The following PDIA4 variants were observed in gnomAD, a reference collection of about 807,000 sequenced individuals.
PDIA4 encodes protein disulfide-isomerase A4.
PDIA4 carries 33 observed loss-of-function variants against 62.1 expected under a neutral mutation model. That is an observed-to-expected ratio of 0.53 (90% CI 0.40 to 0.71). PDIA4 has a LOEUF of 0.71. PDIA4 is among the 30% of genes least tolerant of loss of function. PDIA4 has a pLI of 0.00. For missense variants in PDIA4, 804 were observed against 813.6 expected (o/e 0.99, Z 0.14); for synonymous variants, 341 against 324.1 (o/e 1.05, Z -0.56).
chr7:149,003,774 C>G lies in PDIA4; in HGVS notation c.*20G>C. ...ACGCAGGGCGTCTGCCTCCTCCCAC[C>G]TTCCGCAGACCTCAGGCCTTCAAAG... On this transcript the variant is annotated 3_prime_UTR_variant, in exon 10 of 10. Coordinates refer to ENST00000652332, the MANE Select transcript of PDIA4 (RefSeq NM_004911.5). 2 of 1,497,056 alleles carry G rather than the reference C, an allele frequency of 1.3e-6. No individual in the cohort carries two copies. Among genetic ancestry groups the G allele is most frequent in the Non-Finnish European group, 1.8e-6 (2 of 1,123,746 alleles). The allele number at this position is 1,497,056 out of a possible 1,614,324, so 92.7% of individuals were successfully genotyped here.
In PDIA4 at chr7:149,020,943, C is replaced by A. The variant is rs374410669; in HGVS notation, c.269+24G>T. ...ATGGAGCACAGCGCTTGTCCACCTG[C>A]AGAAATTAGAACGCGGTCCTTACCA... On this transcript the variant is annotated intron_variant, in intron 2 of 9. Transcript: ENST00000652332. 35 of 1,610,548 alleles carry A rather than the reference C, an allele frequency of 2.2e-5. No homozygotes were observed. In the African/African-American group the frequency reaches 2.8e-4, roughly 13 times the overall value.
intron 3 of PDIA4, among the ~76,000 whole-genome samples, chr7:149,017,380 T>C (rs1348533398): frequency 3.9e-5 from 6 of 152,252 alleles, no homozygotes; most frequent in Admixed American, 3.9e-4. Flanking sequence ...GGTTGGGAGT[T>C]TGAGACCAGC....
rs755965937 is a variant in PDIA4 at position 149,004,522 on chromosome 7, G to T, written c.1523-313C>A. The stretch of plus-strand genomic sequence containing the variant: ...GGCACTGAGGGCCCGGGAGCCATGG[G>T]GGGGAGGTGCCAGGACAACCCACAG... On this transcript the variant is annotated intron_variant, in intron 9 of 9. Transcript: ENST00000652332. Among the ~76,000 whole-genome samples, 4 of 152,374 alleles carry T rather than the reference G, an allele frequency of 2.6e-5. No individual in the cohort carries two copies. The South Asian group carries it at 6.2e-4, about 24-fold the overall frequency.
At chr7:149,016,416 A>G (rs1412384213) in intron 3 of PDIA4, among the ~76,000 whole-genome samples, 1 of 152,228 alleles carries the variant, frequency 6.6e-6, no homozygotes, top group Non-Finnish European at 1.5e-5. Context: ...TTTGACATAT[A>G]CTAATAACTG....
At chr7:149,027,750 T>C (rs1824607507) in intron 1 of PDIA4, 1 of 423,074 alleles carries the variant, frequency 2.4e-6, no homozygotes, top group East Asian at 7.1e-5. Context: ...CAGTAAATGC[T>C]AAATGCAGAA....
chr7:149,025,085 A>AT (rs1279233879), intron 1 of PDIA4, among the ~76,000 whole-genome samples: 613 of 22,312 alleles, frequency 0.027, 33 homozygotes, highest in East Asian at 0.27. Flanking sequence ...AAAAAAAAAA[A>AT]ATATATATAT....
At chr7:149,016,835 C>T (rs918536088) in intron 3 of PDIA4, among the ~76,000 whole-genome samples, 1 of 152,154 alleles carries the variant, frequency 6.6e-6, no homozygotes, top group African/African-American at 2.4e-5. Flanking sequence ...TAGAGGGGAG[C>T]TGGATCACCC....
intron 9 of PDIA4, among the ~76,000 whole-genome samples, chr7:149,004,606 T>G (rs1202979116): frequency 6.6e-6 from 1 of 152,186 alleles, no homozygotes; most frequent in African/African-American, 2.4e-5. Flanking sequence ...CCTGGGGCCA[T>G]GTGCTCAGCC....
Position 149,003,692 on chromosome 7 carries a change from A to C in PDIA4, c.*102T>G. On this transcript the variant is annotated 3_prime_UTR_variant, in exon 10 of 10. Transcript: ENST00000652332. ...AAAAAATTAAAAAAAAAAAAAAAGG[A>C]ATCCGAGATACTGTCGTTTGTTGCC... is the stretch of plus-strand genomic sequence containing the variant. The C allele has an allele frequency of 1.3e-6, 1 of 755,134 alleles. No individual in the cohort carries two copies. Among genetic ancestry groups the C allele is most frequent in the South Asian group, 3.0e-5 (1 of 33,266 alleles). 46.8% of individuals were successfully genotyped at this position (755,134 alleles called of 1,614,324 possible).
chr7:149,011,965 G>C lies in PDIA4; in HGVS notation c.860C>G (p.Ser287Cys). 3 of 1,608,248 alleles carry C rather than the reference G, an allele frequency of 1.9e-6. No homozygotes were observed. Among genetic ancestry groups the C allele is most frequent in the Non-Finnish European group, 2.5e-6 (3 of 1,176,802 alleles). The change falls in exon 6 of 10, where the codon TCC (serine) becomes TGC (cysteine). Residue 287 changes from serine (S) to cysteine (C), a missense_variant. Coordinates refer to ENST00000652332, the MANE Select transcript of PDIA4 (RefSeq NM_004911.5). The stretch of plus-strand genomic sequence containing the variant: ...CTGCTTCAGGGTCAGAATCTCCTTG[G>C]AGGGAGGCCCGGACTGCTCGATCAT... ...DYMIEQSGPPSKEILTLKQVQ... is the reference protein window; with the variant it reads ...DYMIEQSGPPCKEILTLKQVQ...
intron 2 of PDIA4, among the ~76,000 whole-genome samples, chr7:149,019,501 C>T (rs150385158): frequency 1.3e-3 from 205 of 152,278 alleles, no homozygotes; most frequent in Non-Finnish European, 2.3e-3. Flanking sequence ...AGGTGTATCA[C>T]CTGAGGTCAG....
chr7:149,006,238 C>T, intron 7 of PDIA4, 185 bp from the exon 8 acceptor site: 2 of 553,122 alleles, frequency 3.6e-6, no homozygotes, highest in South Asian at 5.4e-5. Context: ...TTTGGGGCTC[C>T]TTTCCCTCCA....
At chr7:149,026,840 C>G (rs1278247482) in intron 1 of PDIA4, among the ~76,000 whole-genome samples, 2 of 151,542 alleles carry the variant, frequency 1.3e-5, no homozygotes, top group African/African-American at 4.9e-5. Context: ...TCCCAGGAGG[C>G]CTGCCCTTGG....
chr7:149,021,763 C>T (rs1824362194), intron 1 of PDIA4, among the ~76,000 whole-genome samples: 1 of 152,136 alleles, frequency 6.6e-6, no homozygotes, highest in Non-Finnish European at 1.5e-5. Flanking sequence ...AGTCGCGGCC[C>T]CCTGCCTTGC....
At chr7:149,027,621 G>A (rs1824602858) in intron 1 of PDIA4, among the ~76,000 whole-genome samples, 1 of 151,996 alleles carries the variant, frequency 6.6e-6, no homozygotes, top group South Asian at 2.1e-4. Context: ...AGCTCACTTC[G>A]AAGAAAAATG....
At chr7:149,020,152 G>A (rs571280616) in intron 2 of PDIA4, among the ~76,000 whole-genome samples, 27 of 152,232 alleles carry the variant, frequency 1.8e-4, no homozygotes, top group African/African-American at 6.5e-4. Flanking sequence ...GTAGAGATGG[G>A]GGTTCACCAT....
chr7:149,024,639 C>A (rs1824474896), intron 1 of PDIA4, among the ~76,000 whole-genome samples: 1 of 151,566 alleles, frequency 6.6e-6, no homozygotes, highest in Non-Finnish European at 1.5e-5. Flanking sequence ...ATCGTGAAAC[C>A]CTGTCTCTAC....
At chr7:149,015,507 A>G (rs896722914) in intron 3 of PDIA4, among the ~76,000 whole-genome samples, 1 of 151,636 alleles carries the variant, frequency 6.6e-6, no homozygotes, top group South Asian at 2.1e-4. Context: ...AAAAAAAAAA[A>G]AAAAGGAAAA....
rs1282839783 is a variant in PDIA4, at chr7:149,014,914, A to G, written c.604T>C (p.Tyr202His). 6.2e-7 allele frequency: 1 copy of G among 1,614,140 alleles called. No homozygotes were observed. Residue 202 changes from tyrosine (Y) to histidine (H), a missense_variant, in exon 4 of 10, where the codon TAT becomes CAT. Physicochemically the swap from Tyr to His is moderately conservative, Grantham distance 83. Transcript: ENST00000652332. Reference protein sequence around the residue: ...NDADIILVEFYAPWCGHCKKL... With the variant: ...NDADIILVEFHAPWCGHCKKL... ...CTGACACCACCTTACCATGGGGCAT[A>G]AAACTCCACCAGAATGATATCTGCA...
Sources: allele counts gnomAD v4.1 joint callset (sites outside exome capture counted in the v4.1 genomes callset), GRCh38; gene constraint gnomAD v4.1.1; transcripts MANE v1.5; gene names NCBI Gene and HGNC (gene_info 2026-07-23, HGNC 2026-07-21).